GIGYF2: variants seen among roughly 807,000 people sequenced by gnomAD.
GIGYF2 encodes the protein GRB10-interacting GYF protein 2.
A neutral mutation model predicts 208.1 loss-of-function variants in GIGYF2; 25 were observed. That is an observed-to-expected ratio of 0.12 (90% CI 0.09 to 0.17). The LOEUF (loss-of-function observed/expected upper bound fraction) is 0.17. Among genes scored for constraint, GIGYF2 ranks in the 10% least tolerant of loss-of-function variants. The pLI, the probability that GIGYF2 is intolerant of heterozygous loss-of-function variation, is 1.00. For synonymous variants in GIGYF2, 534 were observed against 543.8 expected (o/e 0.98, Z 0.25); for missense variants, 1,302 against 1,579.4 (o/e 0.82, Z 2.98).
At chr2:232,765,007 A>T (rs1574851593) in intron 8 of GIGYF2, among the ~76,000 whole-genome samples, 1 of 152,182 alleles carries the variant, frequency 6.6e-6, no homozygotes, top group East Asian at 1.9e-4. Flanking sequence ...CAGAATATTA[A>T]GGATACTAAC....
At chr2:232,761,177 G>C (rs566282841) in intron 7 of GIGYF2, among the ~76,000 whole-genome samples, 17 of 152,120 alleles carry the variant, frequency 1.1e-4, no homozygotes, top group Non-Finnish European at 2.4e-4. Flanking sequence ...ATAATATTTT[G>C]GGTCAATAGA....
At chr2:232,851,721 T>G (rs1383826303) in intron 28 of GIGYF2, among the ~76,000 whole-genome samples, 1 of 152,128 alleles carries the variant, frequency 6.6e-6, no homozygotes. Context: ...CGCCCGGCCC[T>G]AAAATTATTT....
At chr2:232,763,375 T>A (rs1698822885) in intron 8 of GIGYF2, among the ~76,000 whole-genome samples, 1 of 152,188 alleles carries the variant, frequency 6.6e-6, no homozygotes, top group Non-Finnish European at 1.5e-5. Flanking sequence ...CCCCAGTGGA[T>A]GCCTGAAACC....
chr2:232,711,227 C>G (rs1244872761), intron 2 of GIGYF2, among the ~76,000 whole-genome samples: 1 of 149,288 alleles, frequency 6.7e-6, no homozygotes, highest in Non-Finnish European at 1.5e-5. Flanking sequence ...AGCTGGGACT[C>G]CAGGCGTGCC....
intron 14 of GIGYF2, among the ~76,000 whole-genome samples, 200 bp downstream of exon 14, chr2:232,796,421 A>G (rs1700224766): frequency 6.6e-6 from 1 of 152,244 alleles, no homozygotes. Context: ...TGCATTGTAC[A>G]TACCAGTTGA....
chr2:232,742,914 T>A (rs1458879816), intron 3 of GIGYF2, among the ~76,000 whole-genome samples: 1 of 152,108 alleles, frequency 6.6e-6, no homozygotes, highest in East Asian at 1.9e-4. Flanking sequence ...CTTTACATGG[T>A]TGTGTATGAA....
chr2:232,707,362 T>C (rs2106249315), intron 2 of GIGYF2, among the ~76,000 whole-genome samples: 1 of 152,306 alleles, frequency 6.6e-6, no homozygotes, highest in East Asian at 1.9e-4. Flanking sequence ...ATTCCTCCTG[T>C]ACAACAAGAA....
intron 27 of GIGYF2, among the ~76,000 whole-genome samples, chr2:232,849,456 G>C (rs1002217477): frequency 6.6e-6 from 1 of 151,972 alleles, no homozygotes; most frequent in Non-Finnish European, 1.5e-5. Context: ...GGGCTACCAC[G>C]CCCGGCCCTA....
At chr2:232,784,070 C>T (rs915776748) in intron 8 of GIGYF2, among the ~76,000 whole-genome samples, 2 of 152,182 alleles carry the variant, frequency 1.3e-5, no homozygotes, top group Non-Finnish European at 2.9e-5. Context: ...AAAAATTTAG[C>T]TCCCTGAAAT....
chr2:232,771,168 A>G (rs371849984), intron 8 of GIGYF2: 1 of 1,613,904 alleles, frequency 6.2e-7, no homozygotes, highest in African/African-American at 1.3e-5. Context: ...GCCAGTGGAC[A>G]ACAAAAGAAG....
At chr2:232,792,714 C>T (rs1700107049) in intron 12 of GIGYF2, among the ~76,000 whole-genome samples, 3 of 152,224 alleles carry the variant, frequency 2.0e-5, no homozygotes, top group African/African-American at 7.2e-5. Context: ...CTGTGCTCTA[C>T]ATAGCAGGCA....
At chr2:232,839,774 A>T in intron 22 of GIGYF2, 75 bp from the exon 23 acceptor site, 1 of 1,433,656 alleles carries the variant, frequency 7.0e-7, no homozygotes, top group Non-Finnish European at 9.8e-7. Context: ...TTCTGGGTAT[A>T]CATAATGCAT....
chr2:232,750,992 G>A (rs919996633), intron 5 of GIGYF2, among the ~76,000 whole-genome samples: 3 of 151,882 alleles, frequency 2.0e-5, no homozygotes, highest in Non-Finnish European at 2.9e-5. Context: ...ACTGCATTTG[G>A]CTAGTTTCGT....
intron 8 of GIGYF2, among the ~76,000 whole-genome samples, chr2:232,773,907 A>AT (rs1262070677): frequency 2.1e-4 from 27 of 129,036 alleles, no homozygotes; most frequent in African/African-American, 6.1e-4. Flanking sequence ...CTTTGTCTCT[A>AT]TTTAAAAAAA....
intron 9 of GIGYF2, chr2:232,788,622 T>G (rs1460600890): frequency 2.1e-6 from 1 of 468,312 alleles, no homozygotes; most frequent in Non-Finnish European, 4.4e-6. Context: ...CTGTGTTTTT[T>G]GAGCCCAAAT....
At chr2:232,727,664 T>C (rs1304967146) in intron 2 of GIGYF2, among the ~76,000 whole-genome samples, 2 of 152,196 alleles carry the variant, frequency 1.3e-5, no homozygotes, top group Admixed American at 6.5e-5. Flanking sequence ...ACCTCTGTGG[T>C]CTTTCTCTTT....
intron 13 of GIGYF2, among the ~76,000 whole-genome samples, chr2:232,795,448 A>G (rs1700196288): frequency 6.6e-6 from 1 of 152,224 alleles, no homozygotes. Context: ...AGTGGCAGGA[A>G]ATGCTGAAGA....
chr2:232,786,551 A>G (rs941921103), intron 8 of GIGYF2, among the ~76,000 whole-genome samples: 1 of 152,190 alleles, frequency 6.6e-6, no homozygotes, highest in African/African-American at 2.4e-5. Flanking sequence ...TCAGTTTATA[A>G]TCTGTTTTGG....
intron 2 of GIGYF2, among the ~76,000 whole-genome samples, chr2:232,710,963 A>G (rs192666836): frequency 1.3e-5 from 2 of 151,634 alleles, no homozygotes; most frequent in Non-Finnish European, 2.9e-5. Context: ...AGCCTCCCAA[A>G]GTGTTGGGAT....
Sources: gnomAD v4.1 joint callset for allele counts (sites outside exome capture counted in the v4.1 genomes callset) on GRCh38, gnomAD v4.1.1 for gene constraint, MANE v1.5 for transcripts, NCBI Gene and HGNC (gene_info 2026-07-23, HGNC 2026-07-21) for gene names.